The following USP39 variants were observed in gnomAD, a reference collection of about 807,000 sequenced individuals.
USP39 encodes the protein ubiquitin carboxyl-terminal hydrolase 39.
In USP39, 38 loss-of-function variants were observed where a neutral mutation model predicts 66.4. The ratio of observed to expected loss-of-function variants is 0.57; its 90% CI spans 0.44 to 0.75. USP39 has a LOEUF of 0.75. Ranked by LOEUF, USP39 falls within the 30% of genes least tolerant of loss-of-function variation. The probability of loss-of-function intolerance (pLI) is 0.00; values close to 1 mark genes in which losing one functional copy is unlikely to be tolerated. For missense variants in USP39, 608 were observed against 714.4 expected, an observed-to-expected ratio of 0.85 and a Z score of 1.70; for synonymous variants, 303 against 274.6, an observed-to-expected ratio of 1.10 and a Z score of -1.02.
At chr2:85,631,240 C>T (rs1675307279) in intron 6 of USP39, among the ~76,000 whole-genome samples, 1 of 151,822 alleles carries the variant, frequency 6.6e-6, no homozygotes, top group Admixed American at 6.6e-5. Flanking sequence ...ATCTCGAACT[C>T]CTGACCTCTT....
chr2:85,623,030 G>A (rs1674581098), intron 3 of USP39, among the ~76,000 whole-genome samples: 1 of 152,212 alleles, frequency 6.6e-6, no homozygotes, highest in Admixed American at 6.5e-5. Flanking sequence ...GGAGTTGAAT[G>A]TGCAAAAATC....
rs1342884527 is a variant in USP39 at position 85,630,783 on chromosome 2, C to G, written c.786C>G (p.Ile262Met). ...TGGAAGAAGACAATTATAAGAACAT[C>G]AAACGTCCTCCAGGGGATATCATGT... ...YFLEEDNYKN[I>M]KRPPGDIMFL... The change falls in exon 6 of 13, where the codon ATC becomes ATG. Residue 262 changes from isoleucine to methionine, a missense_variant. By Grantham distance (10) the Ile-to-Met change is conservative. Coordinates refer to ENST00000323701, the MANE Select transcript of USP39 (RefSeq NM_006590.4). 2 of 1,614,088 alleles carry G rather than the reference C, an allele frequency of 1.2e-6. No individual in the cohort carries two copies. The highest frequency in any genetic ancestry group is 1.7e-6 in the Non-Finnish European group (2 of 1,180,040).
At chr2:85,633,067 A>G (rs1429480932) in intron 6 of USP39, among the ~76,000 whole-genome samples, 2 of 152,126 alleles carry the variant, frequency 1.3e-5, no homozygotes, top group Non-Finnish European at 2.9e-5. Flanking sequence ...GGCCTGCTTT[A>G]TAAGCTACCA....
chr2:85,612,350 C>CT (rs1673617967), upstream of USP39: 3 of 1,535,994 alleles, frequency 2.0e-6, no homozygotes, highest in Non-Finnish European at 2.6e-6. Context: ...GCCTTCCCAT[C>CT]TTTTTTCTGG....
At chr2:85,631,045 C>T in intron 6 of USP39, 99 bp downstream of exon 6, 1 of 1,090,036 alleles carries the variant, frequency 9.2e-7, no homozygotes, top group Non-Finnish European at 1.3e-6. Context: ...GATGGAGTCT[C>T]ACTCTGTCAC....
At chr2:85,605,415 C>G (rs1673179271) in intron 1 of USP39, among the ~76,000 whole-genome samples, 1 of 152,086 alleles carries the variant, frequency 6.6e-6, no homozygotes, top group Non-Finnish European at 1.5e-5. Flanking sequence ...TTAACACAAC[C>G]AGTGCAAATT....
Position 85,621,579 on chromosome 2 carries a change from G to C in USP39, c.433G>C (p.Gly145Arg). The C allele has an allele frequency of 6.2e-7, 1 of 1,612,178 alleles. No individual in the cohort carries two copies. Among genetic ancestry groups the C allele is most frequent in the Non-Finnish European group, 8.5e-7 (1 of 1,179,406 alleles). The change falls in exon 3 of 13, where the codon GGC (glycine) becomes CGC (arginine). Residue 145 changes from glycine to arginine, a missense_variant and splice_region_variant. Around this residue, in one of 6 missense-constraint regions of USP39, gnomAD observed 115 missense variants for 198.6 expected, o/e 0.58. Transcript: ENST00000323701. Reference protein sequence around the residue: ...ACLVCGKYFQGRGLKSHAYIH... With the variant: ...ACLVCGKYFQRRGLKSHAYIH... ...TCTGGTGTGTGGCAAGTACTTTCAA[G>C]GTAAATAAGTTGTTAGAGCTAACTG... is the stretch of plus-strand genomic sequence containing the variant.
chr2:85,635,108 C>G (rs573168031), intron 6 of USP39, among the ~76,000 whole-genome samples: 1 of 152,262 alleles, frequency 6.6e-6, no homozygotes, highest in African/African-American at 2.4e-5. Context: ...TAAGAGCATT[C>G]TGTGTACAGG....
At chr2:85,635,261 GA>G (rs1191717129) in intron 6 of USP39, among the ~76,000 whole-genome samples, 1 of 152,188 alleles carries the variant, frequency 6.6e-6, no homozygotes, top group African/African-American at 2.4e-5. Context: ...TCGTTGAAGA[GA>G]AAGTAGTCAT....
chr2:85,613,298 G>A (rs570037047), upstream of USP39, among the ~76,000 whole-genome samples: 1 of 152,234 alleles, frequency 6.6e-6, no homozygotes, highest in East Asian at 1.9e-4. Flanking sequence ...CAAGAGGTCA[G>A]GAGTTCGAGA....
chr2:85,648,588 T>G (rs1258058208), intron 12 of USP39, among the ~76,000 whole-genome samples, 173 bp from the exon 13 acceptor site: 1 of 152,240 alleles, frequency 6.6e-6, no homozygotes, highest in East Asian at 1.9e-4. Flanking sequence ...CTTCTAGAGA[T>G]AACTTTTTTC....
chr2:85,621,850 A>G (rs1405166878), intron 3 of USP39, among the ~76,000 whole-genome samples: 1 of 134,414 alleles, frequency 7.4e-6, no homozygotes, highest in East Asian at 2.3e-4. Context: ...TTTAATTTTT[A>G]CTTTTTTAAA....
At chr2:85,624,125 A>G (rs1029968402) in intron 4 of USP39, among the ~76,000 whole-genome samples, 1 of 152,054 alleles carries the variant, frequency 6.6e-6, no homozygotes, top group Non-Finnish European at 1.5e-5. Context: ...AGTATTTACC[A>G]AGCTGCACAC....
rs879482269 is a variant in USP39 at position 85,647,833 on chromosome 2, GTTC to G, written c.1564-92_1564-90del. On this transcript the variant is annotated intron_variant, in intron 11 of 12. Transcript: ENST00000323701. The stretch of plus-strand genomic sequence containing the variant: ...TGTTGCTGGATGATGTCTAGTGGCT[GTTC>G]TTCTAATTTTTCTAGTCTTGGCTAT... 3.8e-3 allele frequency: 4,135 copies of G among 1,083,482 alleles called. 42 individuals are homozygous for G. The Middle Eastern group carries it at 0.041, about 11-fold the overall frequency. 67.1% of individuals were successfully genotyped at this position (1,083,482 alleles called of 1,614,324 possible).
At chr2:85,647,878 A>G (rs930309009) in intron 11 of USP39, 52 bp from the exon 12 acceptor site, 48 of 1,560,248 alleles carry the variant, frequency 3.1e-5, no homozygotes, top group Non-Finnish European at 4.1e-5. Context: ...TTCCTTCTAC[A>G]CCCTTTTGGT....
upstream of USP39, chr2:85,608,679 C>A (rs1210020193): frequency 3.9e-6 from 1 of 254,350 alleles, no homozygotes; most frequent in Non-Finnish European, 6.5e-6. Flanking sequence ...GCTTCTAGAA[C>A]ACATTAGCCA....
At chr2:85,641,854 A>G (rs1204136992) in intron 10 of USP39, among the ~76,000 whole-genome samples, 1 of 141,802 alleles carries the variant, frequency 7.1e-6, no homozygotes, top group Non-Finnish European at 1.5e-5. Flanking sequence ...CAGTGAGCTG[A>G]GATGGTGTCA....
chr2:85,613,949 A>T (rs770373917), upstream of USP39, among the ~76,000 whole-genome samples: 1 of 150,646 alleles, frequency 6.6e-6, no homozygotes, highest in Non-Finnish European at 1.5e-5. Context: ...TTTTTTGTGG[A>T]GATGGGGGGG....
Position 85,637,394 on chromosome 2 carries a change from G to T in USP39, c.1053G>T (p.Gly351=). The change falls in exon 8 of 13, where the codon GGG becomes GGT. Residue 351 remains glycine, a synonymous_variant. Transcript: ENST00000323701. ...KKTIVTDVFQ[G]SMRIFTKKLP... ...CTATTGTGACTGATGTTTTCCAGGGGTCCATGAGGATCTTCACTAAAAAGC... is the reference window on the plus strand; with the variant it reads ...CTATTGTGACTGATGTTTTCCAGGGTTCCATGAGGATCTTCACTAAAAAGC... The T allele has an allele frequency of 6.2e-7, 1 of 1,614,152 alleles. No individual in the cohort carries two copies. The highest frequency in any genetic ancestry group is 1.1e-5 in the South Asian group (1 of 91,076).
Sources: gnomAD v4.1 joint callset for allele counts (sites outside exome capture counted in the v4.1 genomes callset) on GRCh38, gnomAD v4.1.1 for gene constraint, gnomAD v4.1.1 regional missense constraint, MANE v1.5 for transcripts, NCBI Gene and HGNC (gene_info 2026-07-23, HGNC 2026-07-21) for gene names.